The following DHPS variants were observed in gnomAD, a reference collection of about 807,000 sequenced individuals.
The protein encoded by DHPS is deoxyhypusine synthase.
In DHPS, 24 loss-of-function variants were observed where a neutral mutation model predicts 38.7. That is an observed-to-expected ratio of 0.62 (90% confidence interval 0.45 to 0.87). The LOEUF (loss-of-function observed/expected upper bound fraction) is 0.87, where lower values mean the gene tolerates loss of function less well. Ranked by LOEUF, DHPS falls within the 40% of genes least tolerant of loss-of-function variation. The probability of loss-of-function intolerance (pLI) is 0.00; values close to 1 mark genes in which losing one functional copy is unlikely to be tolerated. For missense variants in DHPS, 510 were observed against 497.6 expected, an observed-to-expected ratio of 1.02 and a Z score of -0.24; for synonymous variants, 250 against 204.4, an observed-to-expected ratio of 1.22 and a Z score of -1.90.
At chr19:12,675,698 A>ACCAAC (rs777886920), downstream of DHPS, 693 of 1,597,860 alleles carry the variant, frequency 4.3e-4, no homozygotes, top group Non-Finnish European at 5.3e-4. Flanking sequence ...CAACAGGACC[A>ACCAAC]AGGACCGAGA....
At chr19:12,677,882 T>C (rs1010320213) in intron 5 of DHPS, among the ~76,000 whole-genome samples, 3 of 151,356 alleles carry the variant, frequency 2.0e-5, no homozygotes, top group Non-Finnish European at 4.4e-5. Flanking sequence ...CTTCAGGTGA[T>C]CCACCCGCCT....
Position 12,680,174 on chromosome 19 carries a change from A to C in DHPS, c.359T>G (p.Val120Gly). Residue 120 changes from valine to glycine, a missense_variant, in exon 2 of 9, where the codon GTG (valine) becomes GGG (glycine). Coordinates refer to ENST00000210060, the MANE Select transcript of DHPS (RefSeq NM_001930.4). ...SGIRETIRYLVQHNMVDVLVT... is the reference protein window; with the variant it reads ...SGIRETIRYLGQHNMVDVLVT... ...CCAGGTCCCCACCATGTTGTGCTGCACAAGGTAGCGAATGGTCTCACGGAT... is the reference window on the plus strand; with the variant it reads ...CCAGGTCCCCACCATGTTGTGCTGCCCAAGGTAGCGAATGGTCTCACGGAT... The C allele has an allele frequency of 6.2e-7, 1 of 1,614,202 alleles. No homozygotes were observed. The highest frequency in any genetic ancestry group is 8.5e-7 in the Non-Finnish European group (1 of 1,180,032).
chr19:12,679,059 G>A (rs113097989), intron 5 of DHPS, among the ~76,000 whole-genome samples: 3,448 of 152,160 alleles, frequency 0.023, 140 homozygotes, highest in African/African-American at 0.079. Context: ...ACTTTGGGAG[G>A]CCAAGGTGGG....
rs1568320981 is a variant in DHPS, at chr19:12,681,666, T to C, written c.101A>G (p.Tyr34Cys). 1.2e-6 allele frequency: 2 copies of C among 1,614,232 alleles called. No homozygotes were observed. Among genetic ancestry groups the C allele is most frequent in the South Asian group, 2.2e-5 (2 of 91,090 alleles). Residue 34 changes from tyrosine (Y) to cysteine (C), a missense_variant, in exon 1 of 9, where the codon TAC becomes TGC. Transcript: ENST00000210060. Reference protein sequence around the residue: ...LPPESTQVRGYDFNRGVNYRA... With the variant: ...LPPESTQVRGCDFNRGVNYRA... ...GTAATTCACACCGCGGTTGAAGTCG[T>C]AGCCCCGGACCTGGGTGCTTTCGGG... is the stretch of plus-strand genomic sequence containing the variant.
chr19:12,673,212 C>T (rs761230791), downstream of DHPS: 1 of 1,614,022 alleles, frequency 6.2e-7, no homozygotes, highest in Non-Finnish European at 8.5e-7. Context: ...GTACAAGGGC[C>T]ATAAGAACCA....
At position 12,679,622 on chromosome 19, in the gene DHPS, C is replaced by T. The variant is rs2024731626; in HGVS notation, c.591+1G>A. On this transcript the variant is annotated splice_donor_variant, in intron 4 of 8. Coordinates refer to ENST00000210060, the MANE Select transcript of DHPS (RefSeq NM_001930.4). LOFTEE classifies it high-confidence loss of function. Reference sequence around the variant, plus strand: ...GCCCCTCCAGGTTGCCCCAGCCCCACCTCTGTGTTCTGCTCCATCACCATC... The same window carrying T: ...GCCCCTCCAGGTTGCCCCAGCCCCATCTCTGTGTTCTGCTCCATCACCATC... 2 of 1,614,096 alleles carry T rather than the reference C, an allele frequency of 1.2e-6. No individual in the cohort carries two copies. The highest frequency in any genetic ancestry group is 1.3e-5 in the African/African-American group (1 of 74,932).
chr19:12,678,055 C>A (rs1248927936), intron 5 of DHPS, among the ~76,000 whole-genome samples: 1 of 151,062 alleles, frequency 6.6e-6, no homozygotes, highest in Non-Finnish European at 1.5e-5. Context: ...GAGCTCGACA[C>A]CAGCCTGACC....
At chr19:12,681,166 C>T (rs767488231) in intron 1 of DHPS, 71 of 1,271,218 alleles carry the variant, frequency 5.6e-5, no homozygotes, top group Middle Eastern at 2.1e-4. Flanking sequence ...AGAGCATCTC[C>T]TTTCAGATCC....
chr19:12,680,461 G>A, intron 1 of DHPS, 136 bp from the exon 2 acceptor site: 3 of 836,360 alleles, frequency 3.6e-6, no homozygotes, highest in Non-Finnish European at 3.8e-6. Flanking sequence ...AGGGGACCAA[G>A]GAACATCTCC....
In DHPS at chr19:12,676,132, G is replaced by A. The variant is rs769485608; in HGVS notation, c.899C>T (p.Ala300Val). 5 of 1,610,080 alleles carry A rather than the reference G, an allele frequency of 3.1e-6. No homozygotes were observed. Among genetic ancestry groups the A allele is most frequent in the Admixed American group, 1.7e-5 (1 of 59,798 alleles). The change falls in exon 8 of 9, where the codon GCC (alanine) becomes GTC (valine). Residue 300 changes from alanine (A) to valine (V), a missense_variant. Coordinates refer to ENST00000210060, the MANE Select transcript of DHPS (RefSeq NM_001930.4). The part of the protein sequence containing the change: ...IANANLMRNG[A>V]DYAVYINTAQ... ...TGTGTTGATGTAAACAGCGTAGTCG[G>A]CCCCGTTCCGCTGTGGGGAGGCGGG... is the stretch of plus-strand genomic sequence containing the variant.
At chr19:12,672,997 C>CT (rs761946348), downstream of DHPS, 81 of 1,611,410 alleles carry the variant, frequency 5.0e-5, no homozygotes, top group Admixed American at 1.3e-4. Flanking sequence ...CCTACCCACC[C>CT]TTCCCCCAAG....
chr19:12,676,770 G>C (rs2024603163), intron 7 of DHPS: 1 of 369,270 alleles, frequency 2.7e-6, no homozygotes, highest in Non-Finnish European at 5.2e-6. Context: ...CTCAATGCTA[G>C]TACAGCAGCA....
At chr19:12,675,338 G>A (rs1361843747), downstream of DHPS, among the ~76,000 whole-genome samples, 2 of 152,214 alleles carry the variant, frequency 1.3e-5, no homozygotes, top group Non-Finnish European at 2.9e-5. Flanking sequence ...CAGAGCTACT[G>A]AGGGGCTCAG....
rs778404370 is a variant in DHPS at position 12,681,605 on chromosome 19, G to C, written c.162C>G (p.Phe54Leu). Residue 54 changes from phenylalanine (F) to leucine (L), a missense_variant, in exon 1 of 9, where the codon TTC becomes TTG. By Grantham distance (22) the Phe-to-Leu change is conservative (BLOSUM62 0). Transcript: ENST00000210060. ...CAGCGCGCCCGAAGTTGGTTGCTTG[G>C]AAGCCGGTGGTGCCGAAGGCCTCCA... ...ALLEAFGTTG[F>L]QATNFGRAVQ... 1 of 1,614,232 alleles carries C rather than the reference G, an allele frequency of 6.2e-7. No individual in the cohort carries two copies. The highest frequency in any genetic ancestry group is 8.5e-7 in the Non-Finnish European group (1 of 1,180,040).
intron 8 of DHPS, 32 bp downstream of exon 8, chr19:12,675,985 G>A (rs757306074): frequency 1.2e-6 from 2 of 1,608,884 alleles, no homozygotes; most frequent in African/African-American, 2.7e-5. Context: ...CATCGTCCCA[G>A]AGACCCTATG....
intron 7 of DHPS, chr19:12,676,403 C>CT (rs1364059486): frequency 8.5e-6 from 4 of 471,724 alleles, no homozygotes; most frequent in South Asian, 7.4e-5. Context: ...GCCAGCAACT[C>CT]TATCTTCAGA....
intron 1 of DHPS, 30 bp downstream of exon 1, chr19:12,681,530 G>A (rs756006419): frequency 6.2e-7 from 1 of 1,613,002 alleles, no homozygotes; most frequent in East Asian, 2.2e-5. Context: ...ACGCCCCTCC[G>A]CGTCCCTAGA....
intron 5 of DHPS, among the ~76,000 whole-genome samples, chr19:12,678,674 C>T (rs1271501175): frequency 2.2e-5 from 3 of 137,950 alleles, no homozygotes; most frequent in East Asian, 2.3e-4. Flanking sequence ...GAGGGTGAGG[C>T]GGGAGAATCA....
At chr19:12,676,168 G>T in intron 7 of DHPS, 26 bp from the exon 8 acceptor site, 2 of 1,573,986 alleles carry the variant, frequency 1.3e-6, no homozygotes, top group Admixed American at 1.8e-5. Flanking sequence ...GGCACGGTGG[G>T]CCCAGTCAGC....
Sources: gnomAD v4.1 joint callset for allele counts (sites outside exome capture counted in the v4.1 genomes callset) on GRCh38, gnomAD v4.1.1 for gene constraint, MANE v1.5 for transcripts, NCBI Gene and HGNC (gene_info 2026-07-23, HGNC 2026-07-21) for gene names.